Variants in ST7L observed in about 807,000 individuals in gnomAD.
The protein encoded by ST7L is suppression of tumorigenicity 7 like.
A neutral mutation model predicts 72.5 loss-of-function variants in ST7L; 57 were observed. That is an observed-to-expected ratio of 0.79 (90% CI 0.64 to 0.98). ST7L has a LOEUF of 0.98. Ranked by LOEUF, ST7L falls within the 50% of genes least tolerant of loss-of-function variation. The pLI is 0.00. For synonymous variants in ST7L, 221 were observed against 240.9 expected (o/e 0.92, Z 0.77); for missense variants, 576 against 672.2 (o/e 0.86, Z 1.58).
intron 12 of ST7L, among the ~76,000 whole-genome samples, chr1:112,552,728 A>T (rs1658437265): frequency 6.6e-6 from 1 of 152,144 alleles, no homozygotes. Flanking sequence ...CCACAATAAG[A>T]AGTAGTTATT....
chr1:112,584,611 C>T (rs911149875), intron 6 of ST7L, among the ~76,000 whole-genome samples: 3 of 152,028 alleles, frequency 2.0e-5, no homozygotes, highest in African/African-American at 7.2e-5. Context: ...CCTCAGCCTC[C>T]CGAGTAGCTG....
chr1:112,552,474 G>A lies in ST7L; in HGVS notation c.1397-1781C>T, dbSNP rs562624818. Among the ~76,000 whole-genome samples the A allele has an allele frequency of 1.2e-4, 19 of 152,090 alleles. 1 individual carries two copies. Among genetic ancestry groups the A allele is most frequent in the South Asian group, 8.3e-4 (4 of 4,800 alleles). ...GGCTGGAGTACAATGGTGCGATCTC[G>A]GCTCACCACAATCTCCGCCTCCCAG... On this transcript the variant is annotated intron_variant, in intron 12 of 14. Transcript: ENST00000358039.
At chr1:112,534,997 A>G (rs969359109) in intron 14 of ST7L, among the ~76,000 whole-genome samples, 1 of 152,198 alleles carries the variant, frequency 6.6e-6, no homozygotes, top group African/African-American at 2.4e-5. Context: ...TGACAGGCAC[A>G]TGTTAATGGG....
intron 2 of ST7L, among the ~76,000 whole-genome samples, chr1:112,611,740 C>G (rs539639902): frequency 2.0e-5 from 3 of 152,118 alleles, no homozygotes; most frequent in Non-Finnish European, 4.4e-5. Context: ...CAAGAAGAAT[C>G]GCTTGAGCCC....
At chr1:112,541,885 C>T (rs1656157126) in intron 14 of ST7L, 66 bp downstream of exon 14, 2 of 1,582,286 alleles carry the variant, frequency 1.3e-6, no homozygotes, top group Non-Finnish European at 8.6e-7. Flanking sequence ...TTAGCACAGG[C>T]AGATCAGAGA....
intron 4 of ST7L, among the ~76,000 whole-genome samples, chr1:112,599,073 A>AATAT (rs71084479): frequency 6.1e-4 from 35 of 56,932 alleles, no homozygotes; most frequent in African/African-American, 1.2e-3. Context: ...AAAAAAAAAA[A>AATAT]ATATATATAT....
At chr1:112,540,291 T>C in intron 14 of ST7L, 1 of 985,444 alleles carries the variant, frequency 1.0e-6, no homozygotes, top group Non-Finnish European at 1.2e-6. Flanking sequence ...ACATACACAG[T>C]TGCACATTTT....
At chr1:112,550,058 T>C (rs1356784853) in intron 13 of ST7L, among the ~76,000 whole-genome samples, 2 of 152,210 alleles carry the variant, frequency 1.3e-5, no homozygotes, top group Non-Finnish European at 2.9e-5. Flanking sequence ...TGCTTTATTC[T>C]ATTAACTATG....
intron 3 of ST7L, among the ~76,000 whole-genome samples, chr1:112,602,859 G>A (rs1667639326): frequency 6.6e-6 from 1 of 151,650 alleles, no homozygotes; most frequent in Admixed American, 6.6e-5. Flanking sequence ...GGGACTACAG[G>A]TGCACCCACC....
chr1:112,531,924 C>CA (rs1207531156), intron 14 of ST7L, among the ~76,000 whole-genome samples: 1 of 152,180 alleles, frequency 6.6e-6, no homozygotes, highest in Non-Finnish European at 1.5e-5. Context: ...AGCCAACATT[C>CA]AAAGAAGACT....
chr1:112,576,973 T>A lies in ST7L; in HGVS notation c.1245+13A>T, dbSNP rs755064869. ...TTAAATAAAGGTAGTATTTTTATCA[T>A]AAAATTTCTCACTTTTGGAACATGA... On this transcript the variant is annotated intron_variant, in intron 11 of 14. Transcript: ENST00000358039. 1 of 1,569,556 alleles carries A rather than the reference T, an allele frequency of 6.4e-7. No homozygotes were observed. The highest frequency in any genetic ancestry group is 1.2e-5 in the South Asian group (1 of 85,396).
rs1276271999 is a variant in ST7L, at chr1:112,584,139, C to A, written c.702-13G>T. 1.9e-6 allele frequency: 3 copies of A among 1,604,034 alleles called. No homozygotes were observed. Among genetic ancestry groups the A allele is most frequent in the Admixed American group, 1.7e-5 (1 of 57,964 alleles). On this transcript the variant is annotated splice_polypyrimidine_tract_variant and intron_variant, in intron 6 of 14. Transcript: ENST00000358039. ...TGCAGTGGCACAGCTATGAAGAAAG[C>A]AAGAAGGCAATTTTAAATAAAATGG...
At position 112,584,112 on chromosome 1, in the gene ST7L, T is replaced by A; in HGVS notation, c.716A>T (p.Tyr239Phe). The A allele has an allele frequency of 6.2e-7, 1 of 1,613,302 alleles. No homozygotes were observed. Among genetic ancestry groups the A allele is most frequent in the Non-Finnish European group, 8.5e-7 (1 of 1,179,838 alleles). ...TGCTTCTTCCTCAGCCAGTAGAACA[T>A]ATGCAGTGGCACAGCTATGAAGAAA... ...LELNNDCATA[Y>F]VLLAEEEATT... The change falls in exon 7 of 15, where the codon TAT (tyrosine) becomes TTT (phenylalanine). Residue 239 changes from tyrosine to phenylalanine, a missense_variant. By Grantham distance (22) the Tyr-to-Phe change is conservative. Around this residue, in one of 3 missense-constraint regions of ST7L, gnomAD observed 511 missense variants for 600.7 expected, o/e 0.85. Coordinates refer to ENST00000358039, the MANE Select transcript of ST7L (RefSeq NM_017744.5).
intron 13 of ST7L, 53 bp downstream of exon 13, chr1:112,550,544 GACAA>G: frequency 2.2e-6 from 3 of 1,343,278 alleles, no homozygotes; most frequent in East Asian, 2.4e-5. Context: ...AGAATACTAT[GACAA>G]ACAATCTAAA....
chr1:112,602,099 A>AG (rs1553256369), intron 3 of ST7L, among the ~76,000 whole-genome samples: 4 of 150,424 alleles, frequency 2.7e-5, no homozygotes, highest in Non-Finnish European at 4.4e-5. Context: ...AAAAAAAAAA[A>AG]AAAAGAAAAG....
chr1:112,609,330 A>G, intron 3 of ST7L, among the ~76,000 whole-genome samples: 1 of 151,616 alleles, frequency 6.6e-6, no homozygotes, highest in South Asian at 2.1e-4. Context: ...TCGGGAGTTC[A>G]AGACCAGCCT....
chr1:112,610,598 G>A, intron 3 of ST7L: 1 of 407,994 alleles, frequency 2.5e-6, no homozygotes, highest in Non-Finnish European at 4.3e-6. Flanking sequence ...TCCCACGGTA[G>A]AAGTGGCAAG....
In ST7L at chr1:112,552,650, C is replaced by T. The variant is rs549659889; in HGVS notation, c.1397-1957G>A. On this transcript the variant is annotated intron_variant, in intron 12 of 14. Transcript: ENST00000358039. ...AACTCCCAACCTCAGGTGATCCGCC[C>T]ACCTCAGCCTCCCAAAGTTCTGGGA... Among the ~76,000 whole-genome samples, 10 of 152,188 alleles carry T rather than the reference C, an allele frequency of 6.6e-5. No homozygotes were observed. The South Asian group carries it at 1.5e-3, about 22-fold the overall frequency.
chr1:112,614,503 T>C (rs929583823), intron 2 of ST7L, among the ~76,000 whole-genome samples: 18 of 152,234 alleles, frequency 1.2e-4, no homozygotes, highest in African/African-American at 4.3e-4. Flanking sequence ...AATTCCTCAA[T>C]AGCTTCTATT....
Sources: allele counts gnomAD v4.1 joint callset (sites outside exome capture counted in the v4.1 genomes callset), GRCh38; gene constraint gnomAD v4.1.1; regional missense constraint gnomAD v4.1.1; transcripts MANE v1.5; gene names NCBI Gene and HGNC (gene_info 2026-07-23, HGNC 2026-07-21).